Variants in TMPRSS7 observed in about 807,000 individuals in gnomAD.
The protein encoded by TMPRSS7 is transmembrane protease serine 7.
A neutral mutation model predicts 95.6 loss-of-function variants in TMPRSS7; 81 were observed. The ratio of observed to expected loss-of-function variants is 0.85; its 90% CI spans 0.71 to 1.02. The LOEUF (loss-of-function observed/expected upper bound fraction) is 1.02, where lower values mean the gene tolerates loss of function less well. Among genes scored for constraint, TMPRSS7 ranks in the 50% least tolerant of loss-of-function variants. TMPRSS7 has a pLI of 0.00. For synonymous variants in TMPRSS7, 364 were observed against 337.8 expected, an observed-to-expected ratio of 1.08 and a Z score of -0.85; for missense variants, 945 against 955.2, an observed-to-expected ratio of 0.99 and a Z score of 0.14.
intron 3 of TMPRSS7, among the ~76,000 whole-genome samples, chr3:112,043,973 G>T (rs540755687): frequency 2.6e-5 from 4 of 152,242 alleles, no homozygotes; most frequent in Non-Finnish European, 5.9e-5. Context: ...AACCTTTGCA[G>T]TGGGGAGAAT....
chr3:112,046,017 A>T (rs987929866), intron 5 of TMPRSS7, 74 bp downstream of exon 5: 23 of 1,277,758 alleles, frequency 1.8e-5, no homozygotes, highest in Non-Finnish European at 2.5e-5. Flanking sequence ...TATAGTCAAC[A>T]TTGTAATGAA....
chr3:112,049,989 A>T lies in TMPRSS7; in HGVS notation c.1090+15A>T. The T allele has an allele frequency of 1.3e-6, 2 of 1,528,274 alleles. No homozygotes were observed. The highest frequency in any genetic ancestry group is 1.8e-6 in the Non-Finnish European group (2 of 1,130,330). 94.7% of individuals were successfully genotyped at this position (1,528,274 alleles called of 1,614,324 possible). On this transcript the variant is annotated intron_variant, in intron 8 of 17. Transcript: ENST00000452346. Reference sequence around the variant, plus strand: ...TCCAGAACAAAGTAAGTCTTCCCCAATTATGGAGAAGTCACTTTTAGAAAT... The same window carrying T: ...TCCAGAACAAAGTAAGTCTTCCCCATTTATGGAGAAGTCACTTTTAGAAAT...
In TMPRSS7 at chr3:112,038,302, A is replaced by C. The variant is rs533732161; in HGVS notation, c.279A>C (p.Thr93=). The stretch of plus-strand genomic sequence containing the variant: ...TCATCCTAGCAGTCATAGCCTGGAC[A>C]CTTCTGTGGCTGTATATCAGTAAGT... Residue 93 remains threonine, a synonymous_variant, in exon 2 of 18, where the codon ACA becomes ACC. Transcript: ENST00000452346. 11 of 702,642 alleles carry C rather than the reference A, an allele frequency of 1.6e-5. No homozygotes were observed. The East Asian group carries it at 2.4e-4, about 15-fold the overall frequency. 43.5% of individuals were successfully genotyped at this position (702,642 alleles called of 1,614,324 possible).
chr3:112,036,249 C>T (rs1364498678), intron 1 of TMPRSS7, among the ~76,000 whole-genome samples: 2 of 152,140 alleles, frequency 1.3e-5, no homozygotes, highest in Admixed American at 6.5e-5. Flanking sequence ...CAATATAATA[C>T]AAACATGTGA....
chr3:112,037,171 G>A (rs1020261931), intron 1 of TMPRSS7, among the ~76,000 whole-genome samples: 3 of 152,186 alleles, frequency 2.0e-5, no homozygotes, highest in African/African-American at 4.8e-5. Context: ...TGACTGCCAT[G>A]CAGGACAGAG....
chr3:112,038,227 T>A lies in TMPRSS7; in HGVS notation c.204T>A (p.Val68=), dbSNP rs747438664. 4.3e-6 allele frequency: 3 copies of A among 702,942 alleles called. No individual in the cohort carries two copies. In the South Asian group the frequency reaches 4.4e-5, roughly 10 times the overall value. The allele number at this position is 702,942 out of a possible 1,614,324, so 43.5% of individuals were successfully genotyped here. Residue 68 remains valine (V), a synonymous_variant, in exon 2 of 18, where the codon GTT becomes GTA. Coordinates refer to ENST00000452346, the Ensembl canonical transcript of TMPRSS7. Reference sequence around the variant, plus strand: ...CCAAGAAGCAATCCAAGAAAAAAGTTCCCTTTTGGAATGTACAAAATAAAA... The same window carrying A: ...CCAAGAAGCAATCCAAGAAAAAAGTACCCTTTTGGAATGTACAAAATAAAA...
In TMPRSS7 at chr3:112,069,826, T is replaced by C. The variant is rs190997010; in HGVS notation, c.1666+3324T>C. Among the ~76,000 whole-genome samples, 373 of 152,172 alleles carry C rather than the reference T, an allele frequency of 2.5e-3. 2 individuals carry two copies. Among genetic ancestry groups the C allele is most frequent in the Non-Finnish European group, 4.2e-3 (286 of 67,950 alleles). ...GAAGGGTTTTTTGTGTCTCTATCTC[T>C]TTCAGTTCTGCTCTGATCTTAGTTA... On this transcript the variant is annotated intron_variant, in intron 13 of 17. Coordinates refer to ENST00000452346, the Ensembl canonical transcript of TMPRSS7.
chr3:112,044,414 G>A lies in TMPRSS7; in HGVS notation c.497+92G>A, dbSNP rs1484738229. The A allele has an allele frequency of 9.1e-6, 10 of 1,101,426 alleles. No homozygotes were observed. In the East Asian group the frequency reaches 2.3e-4, roughly 26 times the overall value. The allele number at this position is 1,101,426 out of a possible 1,614,324, so 68.2% of individuals were successfully genotyped here. On this transcript the variant is annotated intron_variant, in intron 4 of 17. Transcript: ENST00000452346. ...AAGGCTGAGATTCCACCATTCCCAA[G>A]TAACTTCTTGGAAGTGGTTGGGGAT...
intron 9 of TMPRSS7, among the ~76,000 whole-genome samples, chr3:112,053,558 C>CA (rs2073392257): frequency 6.6e-6 from 1 of 151,950 alleles, no homozygotes; most frequent in East Asian, 1.9e-4. Flanking sequence ...TAAGTACAAC[C>CA]AAAAAAGGGT....
chr3:112,046,161 A>G (rs1037195819), intron 5 of TMPRSS7, among the ~76,000 whole-genome samples: 8 of 152,222 alleles, frequency 5.3e-5, no homozygotes, highest in Non-Finnish European at 1.0e-4. Flanking sequence ...CAATATACAT[A>G]CGAAATTGAA....
At chr3:112,045,816 C>T (rs2073271600) in exon 5 of TMPRSS7, 1 of 1,551,594 alleles carries the variant, frequency 6.4e-7, no homozygotes, top group African/African-American at 1.4e-5. Flanking sequence ...GTGCCAAAGG[C>T]CACATCTTCT....
At chr3:112,080,886 T>C (rs772972727) in intron 17 of TMPRSS7, 28 bp from the exon 18 acceptor site, 12 of 1,598,686 alleles carry the variant, frequency 7.5e-6, no homozygotes, top group Middle Eastern at 1.7e-4. Flanking sequence ...ACCAATTTAC[T>C]TTATACTTAC....
intron 5 of TMPRSS7, among the ~76,000 whole-genome samples, chr3:112,046,773 A>T (rs762642853): frequency 1.3e-5 from 2 of 152,192 alleles, no homozygotes; most frequent in Non-Finnish European, 2.9e-5. Flanking sequence ...AACCTCGACA[A>T]CTACCAACTC....
At chr3:112,050,882 T>C in intron 9 of TMPRSS7, 99 bp downstream of exon 9, 1 of 592,006 alleles carries the variant, frequency 1.7e-6, no homozygotes, top group Middle Eastern at 3.6e-4. Flanking sequence ...TATTGCTTAA[T>C]TTTATAAAAT....
chr3:112,050,692 T>C (rs2073336214), exon 9 of TMPRSS7: 2 of 1,604,328 alleles, frequency 1.2e-6, no homozygotes, highest in Admixed American at 1.7e-5. Context: ...ACAGTGTTGG[T>C]CAAAGACATC....
chr3:112,076,405 G>A (rs1343895002), intron 15 of TMPRSS7, among the ~76,000 whole-genome samples: 1 of 152,156 alleles, frequency 6.6e-6, no homozygotes, highest in African/African-American at 2.4e-5. Flanking sequence ...CCAGTAGTTT[G>A]CCAGAAGGAA....
intron 13 of TMPRSS7, among the ~76,000 whole-genome samples, chr3:112,071,193 C>T (rs1158945850): frequency 6.6e-6 from 1 of 152,138 alleles, no homozygotes; most frequent in Non-Finnish European, 1.5e-5. Flanking sequence ...TTTATTTCTC[C>T]TTCACTTATG....
At chr3:112,044,852 T>C (rs1450692004) in intron 4 of TMPRSS7, among the ~76,000 whole-genome samples, 1 of 152,132 alleles carries the variant, frequency 6.6e-6, no homozygotes, top group Non-Finnish European at 1.5e-5. Flanking sequence ...TTGATTAGTT[T>C]CCTTAACCTT....
At chr3:112,079,993 C>T (rs749813290) in intron 17 of TMPRSS7, among the ~76,000 whole-genome samples, 13 of 152,132 alleles carry the variant, frequency 8.5e-5, no homozygotes, top group Non-Finnish European at 1.3e-4. Flanking sequence ...CTGTTCCACA[C>T]AGCCACAAGT....
Sources: allele counts gnomAD v4.1 joint callset (sites outside exome capture counted in the v4.1 genomes callset), GRCh38; gene constraint gnomAD v4.1.1; transcripts MANE v1.5; gene names NCBI Gene and HGNC (gene_info 2026-07-23, HGNC 2026-07-21).